Variants in ADGRL3 observed in about 807,000 individuals in gnomAD.
ADGRL3 encodes calcium-independent alpha-latrotoxin receptor 3.
A neutral mutation model predicts 153.5 loss-of-function variants in ADGRL3; 62 were observed. The ratio of observed to expected loss-of-function variants is 0.40; its 90% CI spans 0.33 to 0.50. The LOEUF is 0.50. Ranked by LOEUF, ADGRL3 falls within the 20% of genes least tolerant of loss-of-function variation. ADGRL3 has a pLI of 0.47. For missense variants in ADGRL3, 1,641 were observed against 1,859.4 expected (o/e 0.88, Z 2.16); for synonymous variants, 710 against 672.5 (o/e 1.06, Z -0.86).
At chr4:61,409,190 A>AATATATATT (rs1393397523) in intron 2 of ADGRL3, among the ~76,000 whole-genome samples, 4 of 144,680 alleles carry the variant, frequency 2.8e-5, no homozygotes, top group African/African-American at 1.0e-4. Flanking sequence ...TTATATATAT[A>AATATATATT]ATATATATTA....
intron 1 of ADGRL3, among the ~76,000 whole-genome samples, chr4:61,378,811 G>A (rs2096634542): frequency 6.6e-6 from 1 of 151,916 alleles, no homozygotes; most frequent in African/African-American, 2.4e-5. Context: ...GGTTGTTCTG[G>A]GAACCATTTG....
chr4:61,838,121 TC>T (rs2097964736), intron 9 of ADGRL3, among the ~76,000 whole-genome samples: 1 of 152,138 alleles, frequency 6.6e-6, no homozygotes, highest in African/African-American at 2.4e-5. Context: ...CTTCCCCAGA[TC>T]CCAAGCTATA....
chr4:61,426,938 G>C (rs11935411), intron 2 of ADGRL3: 59,858 of 152,100 alleles, frequency 0.39, 12,339 homozygotes, highest in Middle Eastern at 0.57. Context: ...CCACTGGGGC[G>C]GTTTTTTGTC....
chr4:61,627,703 G>A (rs1415885457), intron 5 of ADGRL3, among the ~76,000 whole-genome samples: 1 of 152,098 alleles, frequency 6.6e-6, no homozygotes, highest in Non-Finnish European at 1.5e-5. Context: ...ACAAAAGACT[G>A]CATTTTACAA....
chr4:62,053,302 G>T (rs899625903), intron 25 of ADGRL3, among the ~76,000 whole-genome samples: 3 of 151,406 alleles, frequency 2.0e-5, no homozygotes, highest in Non-Finnish European at 4.4e-5. Context: ...CCAATAATTG[G>T]GTAGTATTTG....
intron 9 of ADGRL3, among the ~76,000 whole-genome samples, chr4:61,843,375 T>C (rs1193810433): frequency 6.6e-6 from 1 of 152,172 alleles, no homozygotes; most frequent in African/African-American, 2.4e-5. Flanking sequence ...TCCAACTTTT[T>C]CTAGCAGCTA....
chr4:61,227,209 CT>C (rs1036613219), intron 1 of ADGRL3, among the ~76,000 whole-genome samples: 10 of 151,394 alleles, frequency 6.6e-5, no homozygotes, highest in South Asian at 2.1e-4. Flanking sequence ...TGGCACCTCA[CT>C]TTTTTTTTCT....
intron 6 of ADGRL3, among the ~76,000 whole-genome samples, chr4:61,682,184 A>G (rs527851494): frequency 1.6e-4 from 24 of 151,766 alleles, no homozygotes; most frequent in African/African-American, 5.8e-4. Flanking sequence ...CTTTTTTCAT[A>G]TTATTATTAT....
At chr4:61,969,277 G>A (rs1216719205) in intron 17 of ADGRL3, among the ~76,000 whole-genome samples, 2 of 152,034 alleles carry the variant, frequency 1.3e-5, no homozygotes, top group African/African-American at 2.4e-5. Flanking sequence ...ATTTTCAAAA[G>A]AGCGTTGATT....
At chr4:61,625,663 T>C (rs1430009251) in intron 5 of ADGRL3, among the ~76,000 whole-genome samples, 3 of 152,022 alleles carry the variant, frequency 2.0e-5, no homozygotes, top group Non-Finnish European at 2.9e-5. Flanking sequence ...TATATAAAAA[T>C]GCATAATACA....
intron 1 of ADGRL3, among the ~76,000 whole-genome samples, chr4:61,332,457 ATACCT>A (rs1422593572): frequency 1.3e-5 from 2 of 152,128 alleles, no homozygotes; most frequent in African/African-American, 4.8e-5. Flanking sequence ...TAAAAATGAT[ATACCT>A]TCTTTGATAA....
intron 2 of ADGRL3, among the ~76,000 whole-genome samples, chr4:61,388,614 A>T (rs555869339): frequency 6.6e-6 from 1 of 152,310 alleles, no homozygotes; most frequent in Non-Finnish European, 1.5e-5. Flanking sequence ...ACCTTTGTCC[A>T]AATCACAGTC....
rs1169037828 is a variant in ADGRL3 at position 62,001,447 on chromosome 4, G to A, written c.3395+3182G>A. On this transcript the variant is annotated intron_variant, in intron 21 of 26. Coordinates refer to ENST00000683033, the MANE Select transcript of ADGRL3 (RefSeq NM_001387552.1). Reference sequence around the variant, plus strand: ...GAAAGATAGTCTTTGGCAGGATAACGGGACATGTTGAAGAAAAACAACAAG... The same window carrying A: ...GAAAGATAGTCTTTGGCAGGATAACAGGACATGTTGAAGAAAAACAACAAG... Among the ~76,000 whole-genome samples the A allele has an allele frequency of 2.6e-5, 4 of 152,086 alleles. 1 individual carries two copies. The highest frequency in any genetic ancestry group is 5.9e-5 in the Non-Finnish European group (4 of 68,008).
intron 6 of ADGRL3, among the ~76,000 whole-genome samples, chr4:61,696,579 T>G (rs1474605548): frequency 2.6e-5 from 4 of 152,018 alleles, no homozygotes; most frequent in Non-Finnish European, 5.9e-5. Flanking sequence ...ACAAAAATCT[T>G]ATTTTTTAAA....
chr4:61,228,689 A>G (rs189698652), intron 1 of ADGRL3, among the ~76,000 whole-genome samples: 7 of 152,292 alleles, frequency 4.6e-5, no homozygotes, highest in African/African-American at 1.7e-4. Flanking sequence ...TTATGTCTGA[A>G]CTTACACTGC....
At chr4:61,369,612 T>C (rs1222302084) in intron 1 of ADGRL3, among the ~76,000 whole-genome samples, 9 of 152,192 alleles carry the variant, frequency 5.9e-5, no homozygotes, top group Non-Finnish European at 1.2e-4. Flanking sequence ...CTTTTTGATG[T>C]GCTGCTGGAT....
At chr4:61,962,008 G>T (rs1370063264) in intron 17 of ADGRL3, among the ~76,000 whole-genome samples, 1 of 151,972 alleles carries the variant, frequency 6.6e-6, no homozygotes, top group Non-Finnish European at 1.5e-5. Flanking sequence ...TGTATATTTT[G>T]CTGGATTATT....
chr4:61,447,072 A>G (rs1390061720), intron 2 of ADGRL3, among the ~76,000 whole-genome samples: 2 of 152,140 alleles, frequency 1.3e-5, no homozygotes, highest in Admixed American at 6.5e-5. Flanking sequence ...ACCCCAGTTT[A>G]TGGATGACTG....
rs148130343 is a variant in ADGRL3, at chr4:61,638,466, A to G, written c.474-38360A>G. Among the ~76,000 whole-genome samples the G allele has an allele frequency of 1.8e-3, 276 of 152,312 alleles. 2 individuals are homozygous for G. The highest frequency in any genetic ancestry group is 6.2e-3 in the African/African-American group (257 of 41,566). ...GGCATTTGTCAAAACTGACCAAAATACATTTAAAATCACTTTGTTTTTGGT... is the reference window on the plus strand; with the variant it reads ...GGCATTTGTCAAAACTGACCAAAATGCATTTAAAATCACTTTGTTTTTGGT... On this transcript the variant is annotated intron_variant, in intron 5 of 26. Transcript: ENST00000683033.
Sources: gnomAD v4.1 joint callset for allele counts (sites outside exome capture counted in the v4.1 genomes callset) on GRCh38, gnomAD v4.1.1 for gene constraint, MANE v1.5 for transcripts, NCBI Gene and HGNC (gene_info 2026-07-23, HGNC 2026-07-21) for gene names.